PRIMPOL: variants seen among roughly 807,000 people sequenced by gnomAD.
The protein encoded by PRIMPOL is primase and DNA directed polymerase, also known as DNA-directed primase/polymerase protein.
PRIMPOL carries 54 observed loss-of-function variants against 63.6 expected under a neutral mutation model. That is an observed-to-expected ratio of 0.85 (90% CI 0.68 to 1.07). PRIMPOL has a LOEUF of 1.07. Ranked by LOEUF, PRIMPOL falls within the 50% of genes least tolerant of loss-of-function variation. PRIMPOL has a pLI of 0.00. For missense variants in PRIMPOL, 610 were observed against 648.3 expected, an observed-to-expected ratio of 0.94 and a Z score of 0.64; for synonymous variants, 197 against 220.2, an observed-to-expected ratio of 0.89 and a Z score of 0.93.
At chr4:184,679,944 G>A (rs1193944791) in intron 8 of PRIMPOL, among the ~76,000 whole-genome samples, 1 of 152,142 alleles carries the variant, frequency 6.6e-6, no homozygotes, top group Non-Finnish European at 1.5e-5. Context: ...GTGCCAGAAA[G>A]GTTGGGGACT....
At chr4:184,687,640 G>A (rs1358394952) in intron 11 of PRIMPOL, among the ~76,000 whole-genome samples, 1 of 152,040 alleles carries the variant, frequency 6.6e-6, no homozygotes, top group Non-Finnish European at 1.5e-5. Context: ...TTGAGACAGA[G>A]TTTTGCTCTT....
Position 184,682,436 on chromosome 4 carries a change from C to T in PRIMPOL, c.1096+100C>T, listed in dbSNP as rs1353358095. On this transcript the variant is annotated intron_variant, in intron 9 of 13. Transcript: ENST00000314970. ...CGATCTCGGCTCACTGCAGCCTCCT[C>T]CTCCCAGGCTCAAGCCATCTCCTGC... 1.6e-5 allele frequency: 10 copies of T among 622,884 alleles called. No homozygotes were observed. In the East Asian group the frequency reaches 2.4e-4, roughly 15 times the overall value. 38.6% of individuals were successfully genotyped at this position (622,884 alleles called of 1,614,324 possible). A position where few individuals can be genotyped will look rare whatever the true frequency, so the allele number is the denominator to read the frequency against.
rs184199461 is a variant in PRIMPOL at position 184,686,735 on chromosome 4, C to T, written c.1295+1051C>T. ...CTGTGTGCTGGACATGGGGAATGAT[C>T]GGGAAGCTCTTGCTGGGAAGCTGGA... On this transcript the variant is annotated intron_variant, in intron 11 of 13. Coordinates refer to ENST00000314970, the MANE Select transcript of PRIMPOL (RefSeq NM_152683.4). 2.0e-3 allele frequency among the ~76,000 whole-genome samples: 301 copies of T among 152,102 alleles called. 3 individuals are homozygous for T. Among genetic ancestry groups the T allele is most frequent in the African/African-American group, 6.7e-3 (277 of 41,484 alleles).
intron 10 of PRIMPOL, 31 bp downstream of exon 10, chr4:184,685,529 T>C: frequency 6.3e-7 from 1 of 1,593,788 alleles, no homozygotes. Flanking sequence ...TGTTAACTGT[T>C]ATATGATAGA....
At chr4:184,657,458 A>G (rs953791835) in intron 3 of PRIMPOL, 138 bp downstream of exon 3, 1 of 644,454 alleles carries the variant, frequency 1.6e-6, no homozygotes, top group African/African-American at 1.8e-5. Context: ...TTCTACCAAG[A>G]AAATTTAATG....
chr4:184,678,893 A>G (rs375660803), intron 8 of PRIMPOL, among the ~76,000 whole-genome samples: 1 of 152,178 alleles, frequency 6.6e-6, no homozygotes, highest in Non-Finnish European at 1.5e-5. Flanking sequence ...AGTAAAACGT[A>G]TATTTGAACA....
In PRIMPOL at chr4:184,691,522, A is replaced by C. The variant is rs770909132; in HGVS notation, c.1319A>C (p.Glu440Ala). The change falls in exon 12 of 14, where the codon GAA becomes GCA. Residue 440 changes from glutamate to alanine, a missense_variant. Physicochemically the swap from Glu to Ala is moderately radical, Grantham distance 107. Coordinates refer to ENST00000314970, the MANE Select transcript of PRIMPOL (RefSeq NM_152683.4). ...AGGATTCTGGTTGATCTGAAAAATG[A>C]AGTTTGGTATCAAAAATGTCATGAC... The part of the protein sequence containing the change: ...NIMILVDLKN[E>A]VWYQKCHDPV... 6.2e-7 allele frequency: 1 copy of C among 1,602,018 alleles called. No individual in the cohort carries two copies. The highest frequency in any genetic ancestry group is 8.5e-7 in the Non-Finnish European group (1 of 1,172,242).
In PRIMPOL at chr4:184,672,222, T is replaced by C. The variant is rs148306598; in HGVS notation, c.606T>C (p.Ser202=). The stretch of plus-strand genomic sequence containing the variant: ...AGCCTGCTCTTGACTTGCTTGGCAG[T>C]GAAGATGATGATAGCGCTCCAGAGA... The part of the protein sequence containing the change: ...ILQPALDLLG[S]EDDDSAPETT... The change falls in exon 7 of 14, where the codon AGT becomes AGC. Residue 202 remains serine (S), a synonymous_variant. Transcript: ENST00000314970. 4.8e-5 allele frequency: 77 copies of C among 1,613,364 alleles called. No homozygotes were observed. Among genetic ancestry groups the C allele is most frequent in the Non-Finnish European group, 6.4e-5 (75 of 1,179,912 alleles).
In PRIMPOL at chr4:184,694,872, C is replaced by A; in HGVS notation, c.*93C>A. On this transcript the variant is annotated 3_prime_UTR_variant, in exon 14 of 14. Coordinates refer to ENST00000314970, the MANE Select transcript of PRIMPOL (RefSeq NM_152683.4). ...ATATCATTCAACCTGTTTATATAAACTAAGTTTTATTACTTTGCTTTCCAA... is the reference window on the plus strand; with the variant it reads ...ATATCATTCAACCTGTTTATATAAAATAAGTTTTATTACTTTGCTTTCCAA... The A allele has an allele frequency of 9.0e-7, 1 of 1,112,642 alleles. No homozygotes were observed. Among genetic ancestry groups the A allele is most frequent in the Non-Finnish European group, 1.3e-6 (1 of 787,812 alleles). 68.9% of individuals were successfully genotyped at this position (1,112,642 alleles called of 1,614,324 possible).
chr4:184,694,747 G>T lies in PRIMPOL; in HGVS notation c.1651G>T (p.Asp551Tyr). 6.2e-7 allele frequency: 1 copy of T among 1,612,368 alleles called. No homozygotes were observed. The part of the protein sequence containing the change: ...SYNSEVDEIP[D>Y]ELIIEVLQE ...TAACAGTGAAGTGGATGAAATTCCT[G>T]ATGAACTAATTATAGAAGTATTACA... The change falls in exon 14 of 14, where the codon GAT becomes TAT. Residue 551 changes from aspartate (D) to tyrosine (Y), a missense_variant. Transcript: ENST00000314970.
At chr4:184,651,763 C>T (rs1003300898) in intron 1 of PRIMPOL, among the ~76,000 whole-genome samples, 4 of 152,200 alleles carry the variant, frequency 2.6e-5, no homozygotes, top group African/African-American at 9.7e-5. Context: ...ATTCTCCTGC[C>T]TCAGCCTCCC....
intron 5 of PRIMPOL, 131 bp from the exon 6 acceptor site, chr4:184,665,786 T>C: frequency 1.9e-6 from 1 of 529,648 alleles, no homozygotes; most frequent in South Asian, 3.6e-5. Context: ...ATTACAGGCA[T>C]GAGCCACCAC....
intron 11 of PRIMPOL, among the ~76,000 whole-genome samples, chr4:184,689,130 G>GATGGC (rs368046363): frequency 6.6e-6 from 1 of 152,066 alleles, no homozygotes; most frequent in African/African-American, 2.4e-5. Context: ...AGGACAGAGT[G>GATGGC]CAGGAGCTCA....
At chr4:184,659,539 C>G (rs550354955) in intron 4 of PRIMPOL, 102 bp downstream of exon 4, 5 of 809,476 alleles carry the variant, frequency 6.2e-6, no homozygotes, top group Non-Finnish European at 1.1e-5. Flanking sequence ...TTCCACAGTT[C>G]GTGACCACAC....
chr4:184,694,307 T>C, intron 13 of PRIMPOL: 3 of 1,326,062 alleles, frequency 2.3e-6, no homozygotes, highest in Non-Finnish European at 1.9e-6. Context: ...ATTTCAAATT[T>C]GGAGTTTCAA....
At chr4:184,682,111 A>G (rs924545424) in intron 8 of PRIMPOL, 137 bp from the exon 9 acceptor site, 12 of 513,168 alleles carry the variant, frequency 2.3e-5, no homozygotes, top group Non-Finnish European at 4.3e-5. Context: ...AATGTGGCAT[A>G]AATGTCCTAG....
At chr4:184,658,982 T>C (rs999416719) in intron 3 of PRIMPOL, among the ~76,000 whole-genome samples, 2 of 151,516 alleles carry the variant, frequency 1.3e-5, no homozygotes, top group African/African-American at 4.8e-5. Context: ...TTAGCCCAAA[T>C]CATTTATAAT....
intron 11 of PRIMPOL, among the ~76,000 whole-genome samples, chr4:184,687,081 T>A (rs1018022891): frequency 5.9e-5 from 9 of 152,184 alleles, no homozygotes; most frequent in African/African-American, 2.2e-4. Context: ...CACTTTTTTT[T>A]ATTTTCTGAG....
intron 7 of PRIMPOL, among the ~76,000 whole-genome samples, chr4:184,677,782 C>T (rs112197923): frequency 4.6e-5 from 7 of 152,208 alleles, no homozygotes; most frequent in African/African-American, 1.4e-4. Context: ...ATGGTAGGCC[C>T]ATCTGTTTAC....
Sources: gnomAD v4.1 joint callset for allele counts (sites outside exome capture counted in the v4.1 genomes callset) on GRCh38, gnomAD v4.1.1 for gene constraint, MANE v1.5 for transcripts, NCBI Gene and HGNC (gene_info 2026-07-23, HGNC 2026-07-21) for gene names.